SEMA3D: variants seen among roughly 807,000 people sequenced by gnomAD.
SEMA3D encodes semaphorin-3D.
Under a neutral mutation model 100.1 loss-of-function variants are expected in SEMA3D, and 84 were observed. The observed-to-expected ratio is 0.84, with a 90% CI of 0.70 to 1.01. The LOEUF (loss-of-function observed/expected upper bound fraction) is 1.01, where lower values mean the gene tolerates loss of function less well. SEMA3D is among the 50% of genes least tolerant of loss of function. SEMA3D has a pLI of 0.00. For synonymous variants in SEMA3D, 312 were observed against 320.7 expected (o/e 0.97, Z 0.29); for missense variants, 875 against 934.1 (o/e 0.94, Z 0.82).
intron 1 of SEMA3D, among the ~76,000 whole-genome samples, chr7:85,171,901 A>G (rs1791092988): frequency 6.6e-6 from 1 of 151,862 alleles, no homozygotes; most frequent in Admixed American, 6.6e-5. Context: ...TAACAAAATT[A>G]TCCTTAAGGA....
intron 2 of SEMA3D, chr7:85,141,987 A>G: frequency 1.0e-6 from 1 of 982,038 alleles, no homozygotes; most frequent in East Asian, 1.1e-4. Context: ...TGCATTAACC[A>G]AATCTTTAAT....
At chr7:85,154,763 A>AT (rs1790534789) in intron 1 of SEMA3D, among the ~76,000 whole-genome samples, 1 of 152,192 alleles carries the variant, frequency 6.6e-6, no homozygotes, top group Admixed American at 6.6e-5. Context: ...ACACAAGGTG[A>AT]TAAGTCTAGG....
In SEMA3D at chr7:85,114,124, TC is replaced by T. The variant is rs751661188; in HGVS notation, c.151+7616del. Among the ~76,000 whole-genome samples, 3 of 152,242 alleles carry T rather than the reference TC, an allele frequency of 2.0e-5. No homozygotes were observed. In the East Asian group the frequency reaches 5.8e-4, roughly 29 times the overall value. The stretch of plus-strand genomic sequence containing the variant: ...TGTCATGAGAGACAAAATGAAAATG[TC>T]AAGGGAATGTTGTGATTCTTACTTC... On this transcript the variant is annotated intron_variant, in intron 3 of 18. Coordinates refer to ENST00000284136, the MANE Select transcript of SEMA3D (RefSeq NM_001384900.1).
chr7:85,203,400 A>G, the SEMA3D span, among the ~76,000 whole-genome samples: 1 of 152,234 alleles, frequency 6.6e-6, no homozygotes, highest in South Asian at 2.1e-4. Flanking sequence ...ATTTTAAAAG[A>G]GACTAAAGAT....
rs1790716498 is a variant in SEMA3D, at chr7:85,036,995, A to G, written c.1085T>C (p.Met362Thr). The change falls in exon 12 of 19, where the codon ATG (methionine) becomes ACG (threonine). Residue 362 changes from methionine to threonine, a missense_variant. Met to Thr is a moderately conservative substitution (Grantham distance 81, BLOSUM62 -1). Coordinates refer to ENST00000284136, the MANE Select transcript of SEMA3D (RefSeq NM_001384900.1). ...ATTAAAAACTGCTCTGATGTCAGCC[A>G]TGCTATACACACAAACAGCAGAGCC... ...FKGSAVCVYS[M>T]ADIRAVFNGP... The G allele has an allele frequency of 1.2e-6, 2 of 1,613,378 alleles. No individual in the cohort carries two copies. The highest frequency in any genetic ancestry group is 1.3e-5 in the African/African-American group (1 of 74,998).
At chr7:85,044,959 A>G (rs1378710382) in intron 9 of SEMA3D, among the ~76,000 whole-genome samples, 1 of 152,100 alleles carries the variant, frequency 6.6e-6, no homozygotes, top group African/African-American at 2.4e-5. Flanking sequence ...GAATGAAGAC[A>G]TGATTAATAG....
intron 3 of SEMA3D, among the ~76,000 whole-genome samples, chr7:85,116,144 T>C (rs1189538338): frequency 6.6e-6 from 1 of 151,116 alleles, no homozygotes; most frequent in Admixed American, 6.6e-5. Context: ...TATATAAACT[T>C]GTTTTCTATT....
At chr7:85,240,794 T>C in the SEMA3D span, among the ~76,000 whole-genome samples, 1 of 152,192 alleles carries the variant, frequency 6.6e-6, no homozygotes, top group Non-Finnish European at 1.5e-5. Context: ...GCTCATAGCA[T>C]CCCTTTATTA....
chr7:85,182,799 T>G (rs1791441125), intron 1 of SEMA3D, among the ~76,000 whole-genome samples: 1 of 152,200 alleles, frequency 6.6e-6, no homozygotes, highest in African/African-American at 2.4e-5. Context: ...TTGTTTCTCC[T>G]TTCAAGGATT....
intron 4 of SEMA3D, among the ~76,000 whole-genome samples, chr7:85,088,252 A>G (rs539086831): frequency 2.6e-5 from 4 of 152,204 alleles, no homozygotes; most frequent in African/African-American, 9.6e-5. Flanking sequence ...TCAAATAATG[A>G]TAAGACTTTA....
intron 12 of SEMA3D, chr7:85,029,742 C>T (rs188914627): frequency 1.6e-4 from 38 of 241,396 alleles, no homozygotes; most frequent in Admixed American, 1.4e-3. Flanking sequence ...GTTAAAACAC[C>T]GAAGAACCCA....
chr7:85,239,550 C>T, the SEMA3D span, among the ~76,000 whole-genome samples: 1 of 152,186 alleles, frequency 6.6e-6, no homozygotes. Context: ...CACAGAAAGT[C>T]TGCAGAGACA....
chr7:85,143,224 T>C (rs546044889), intron 2 of SEMA3D: 241 of 734,928 alleles, frequency 3.3e-4, no homozygotes, highest in Non-Finnish European at 3.7e-4. Flanking sequence ...CTAACATATA[T>C]GCACTAAAGT....
intron 8 of SEMA3D, among the ~76,000 whole-genome samples, chr7:85,061,268 G>T (rs918953367): frequency 1.3e-5 from 2 of 152,080 alleles, no homozygotes; most frequent in African/African-American, 2.4e-5. Flanking sequence ...AAGGAATCAG[G>T]ATTCCTACTT....
chr7:85,044,346 A>G (rs1370586127), intron 9 of SEMA3D, among the ~76,000 whole-genome samples: 3 of 152,140 alleles, frequency 2.0e-5, no homozygotes, highest in Non-Finnish European at 4.4e-5. Flanking sequence ...CATCTATGGT[A>G]TGTGATACCC....
At chr7:85,146,561 AT>A (rs1444286956) in intron 2 of SEMA3D, among the ~76,000 whole-genome samples, 121 of 133,656 alleles carry the variant, frequency 9.1e-4, no homozygotes, top group African/African-American at 2.7e-3. Flanking sequence ...CTAAAAAAAA[AT>A]ATATATATAT....
the SEMA3D span, among the ~76,000 whole-genome samples, chr7:85,239,008 T>G: frequency 1.3e-5 from 2 of 152,292 alleles, no homozygotes; most frequent in South Asian, 4.1e-4. Context: ...TTTATTATTT[T>G]TATAAATGTA....
Position 84,999,202 on chromosome 7 carries a change from C to A in SEMA3D, c.*238G>T, listed in dbSNP as rs1234329265. ...ACATAAAACATTTACAACTGTAAAC[C>A]CCCTATTTTTAGGATAATTCTTATA... On this transcript the variant is annotated 3_prime_UTR_variant, in exon 19 of 19. Transcript: ENST00000284136. 1.6e-5 allele frequency: 8 copies of A among 502,452 alleles called. No homozygotes were observed. Among genetic ancestry groups the A allele is most frequent in the Non-Finnish European group, 2.8e-5 (8 of 284,340 alleles). 31.1% of individuals were successfully genotyped at this position (502,452 alleles called of 1,614,324 possible).
chr7:85,142,154 A>C, intron 2 of SEMA3D: 2 of 984,878 alleles, frequency 2.0e-6, no homozygotes, highest in Non-Finnish European at 2.4e-6. Context: ...AACATTGCTG[A>C]AAAGGACAAT....
Sources: gnomAD v4.1 joint callset for allele counts (sites outside exome capture counted in the v4.1 genomes callset) on GRCh38, gnomAD v4.1.1 for gene constraint, MANE v1.5 for transcripts, NCBI Gene and HGNC (gene_info 2026-07-23, HGNC 2026-07-21) for gene names.